FGF12: variants seen among roughly 807,000 people sequenced by gnomAD.
The protein encoded by FGF12 is fibroblast growth factor 12B.
In FGF12, 14 loss-of-function variants were observed where a neutral mutation model predicts 23.6. The ratio of observed to expected loss-of-function variants is 0.59; its 90% CI spans 0.39 to 0.93. The LOEUF (loss-of-function observed/expected upper bound fraction) is 0.93. Among genes scored for constraint, FGF12 ranks in the 40% least tolerant of loss-of-function variants. The probability of loss-of-function intolerance (pLI) is 0.00; values close to 1 mark genes in which losing one functional copy is unlikely to be tolerated. For missense variants in FGF12, 175 were observed against 217.8 expected (o/e 0.80, Z 1.24); for synonymous variants, 62 against 77.3 (o/e 0.80, Z 1.04).
At chr3:192,157,779 C>T (rs1248645679) in intron 5 of FGF12, among the ~76,000 whole-genome samples, 3 of 152,100 alleles carry the variant, frequency 2.0e-5, no homozygotes, top group East Asian at 1.9e-4. Flanking sequence ...TATAATAAAC[C>T]GGGTGCCAAG....
chr3:192,402,177 C>T (rs1331657200), intron 2 of FGF12, among the ~76,000 whole-genome samples: 2 of 152,228 alleles, frequency 1.3e-5, no homozygotes, highest in African/African-American at 4.8e-5. Context: ...GTGTTAACCT[C>T]TTTACTATCC....
chr3:192,570,038 G>GTTC (rs1712521154), intron 2 of FGF12, among the ~76,000 whole-genome samples: 3 of 152,250 alleles, frequency 2.0e-5, no homozygotes, highest in African/African-American at 7.2e-5. Context: ...AGTTCCAAAG[G>GTTC]CAAGTAAGAA....
chr3:192,663,750 T>C (rs900619945), intron 2 of FGF12, among the ~76,000 whole-genome samples: 1 of 151,810 alleles, frequency 6.6e-6, no homozygotes. Context: ...TCCTTCCAGC[T>C]GCAATCAATA....
chr3:192,169,433 G>T (rs1715414769), intron 5 of FGF12, among the ~76,000 whole-genome samples: 1 of 152,204 alleles, frequency 6.6e-6, no homozygotes, highest in Non-Finnish European at 1.5e-5. Flanking sequence ...GGTCCTGAGA[G>T]GGGCTAGGGG....
chr3:192,268,865 G>T, intron 4 of FGF12: 1 of 159,774 alleles, frequency 6.3e-6, no homozygotes, highest in Non-Finnish European at 1.4e-5. Context: ...AACTTTGTAT[G>T]CAAATGTTAC....
In FGF12 at chr3:192,144,106, G is replaced by A. The variant is rs368025154; in HGVS notation, c.449C>T (p.Ser150Leu). The change falls in exon 6 of 6, where the codon TCG becomes TTG. Residue 150 changes from serine to leucine, a missense_variant. Transcript: ENST00000445105. ...TTGTTTTTCTCCAATTTCATGTAGCGATGGTTCTCTGTACATACACACTGA... is the reference window on the plus strand; with the variant it reads ...TTGTTTTTCTCCAATTTCATGTAGCAATGGTTCTCTGTACATACACACTGA... Reference protein sequence around the residue: ...PIEVCMYREPSLHEIGEKQGR... With the variant: ...PIEVCMYREPLLHEIGEKQGR... 20 of 1,612,456 alleles carry A rather than the reference G, an allele frequency of 1.2e-5. No homozygotes were observed. The Admixed American group carries it at 2.3e-4, about 19-fold the overall frequency.
chr3:192,463,721 A>C (rs1722927865), intron 2 of FGF12, among the ~76,000 whole-genome samples: 1 of 152,210 alleles, frequency 6.6e-6, no homozygotes, highest in South Asian at 2.1e-4. Context: ...ACAGGGAATC[A>C]TGTGAAAGGA....
chr3:192,407,043 C>G lies in FGF12; in HGVS notation c.14-46505G>C, dbSNP rs538466353. On this transcript the variant is annotated intron_variant, in intron 2 of 5. Coordinates refer to ENST00000445105, the MANE Select transcript of FGF12 (RefSeq NM_004113.6). Reference sequence around the variant, plus strand: ...CAGAAAACCAACAGTCTGATGGAAGCACAGATCTCTCCGCAATTCTGCTTC... The same window carrying G: ...CAGAAAACCAACAGTCTGATGGAAGGACAGATCTCTCCGCAATTCTGCTTC... 8.5e-4 allele frequency among the ~76,000 whole-genome samples: 129 copies of G among 152,206 alleles called. 1 individual carries two copies. The highest frequency in any genetic ancestry group is 1.6e-3 in the Non-Finnish European group (108 of 68,042).
intron 4 of FGF12, among the ~76,000 whole-genome samples, chr3:192,230,003 G>T (rs1023805412): frequency 6.6e-5 from 10 of 152,024 alleles, no homozygotes; most frequent in Non-Finnish European, 1.2e-4. Context: ...TGCATATGAC[G>T]GAGCTTATTA....
rs202027374 is a variant in FGF12 at position 192,264,386 on chromosome 3, A to AT, written c.228+70974dup. ...TATTGATGAACAAAAATAAGAGATGATTTTTTTTCACATTTAATGTGGAAT... is the reference window on the plus strand; with the variant it reads ...TATTGATGAACAAAAATAAGAGATGATTTTTTTTTCACATTTAATGTGGAAT... On this transcript the variant is annotated intron_variant, in intron 4 of 5. Transcript: ENST00000445105. Among the ~76,000 whole-genome samples the AT allele has an allele frequency of 5.5e-3, 839 of 152,000 alleles. 7 individuals carry two copies. Among genetic ancestry groups the AT allele is most frequent in the African/African-American group, 0.02 (816 of 41,490 alleles).
intron 5 of FGF12, among the ~76,000 whole-genome samples, chr3:192,161,600 T>G (rs1714887466): frequency 6.6e-6 from 1 of 152,058 alleles, no homozygotes; most frequent in Non-Finnish European, 1.5e-5. Flanking sequence ...ATTCTAGTTT[T>G]GCTTCTTTCT....
chr3:192,197,749 A>C (rs1717145594), intron 4 of FGF12, among the ~76,000 whole-genome samples: 1 of 152,132 alleles, frequency 6.6e-6, no homozygotes, highest in Admixed American at 6.5e-5. Context: ...GTTTGAGACC[A>C]GCCTGACCAA....
intron 2 of FGF12, among the ~76,000 whole-genome samples, chr3:192,577,242 G>A (rs1471149693): frequency 6.6e-6 from 1 of 152,138 alleles, no homozygotes; most frequent in East Asian, 1.9e-4. Context: ...TGGTAGCCAT[G>A]CTCTTTCTGG....
At chr3:192,632,805 C>T (rs1715438030) in intron 2 of FGF12, among the ~76,000 whole-genome samples, 1 of 152,066 alleles carries the variant, frequency 6.6e-6, no homozygotes, top group South Asian at 2.1e-4. Context: ...CTTAAAACAA[C>T]AGAAATGCAT....
chr3:192,680,367 A>G (rs919937611), intron 2 of FGF12, among the ~76,000 whole-genome samples: 8 of 152,226 alleles, frequency 5.3e-5, no homozygotes, highest in African/African-American at 1.2e-4. Context: ...ACAAGGGGAA[A>G]GAGGTCCAAG....
chr3:192,425,123 C>T (rs1032522311), intron 2 of FGF12, among the ~76,000 whole-genome samples: 4 of 152,144 alleles, frequency 2.6e-5, no homozygotes, highest in African/African-American at 9.7e-5. Context: ...CTTTTACATC[C>T]ATCCCTCAGT....
chr3:192,255,558 T>C (rs1428051112), intron 4 of FGF12, among the ~76,000 whole-genome samples: 4 of 152,110 alleles, frequency 2.6e-5, no homozygotes, highest in Admixed American at 6.6e-5. Context: ...ACGTTTGGTA[T>C]AATAAAATAA....
chr3:192,401,310 C>T (rs1006540122), intron 2 of FGF12, among the ~76,000 whole-genome samples: 30 of 152,102 alleles, frequency 2.0e-4, no homozygotes, highest in African/African-American at 6.3e-4. Context: ...CACAAAGAAA[C>T]GTGGTTGAAA....
At chr3:192,607,076 C>T (rs1178840010) in intron 2 of FGF12, among the ~76,000 whole-genome samples, 1 of 152,108 alleles carries the variant, frequency 6.6e-6, no homozygotes, top group Non-Finnish European at 1.5e-5. Context: ...ACCATTTATG[C>T]TCTGACTGAT....
Sources: allele counts gnomAD v4.1 joint callset (sites outside exome capture counted in the v4.1 genomes callset), GRCh38; gene constraint gnomAD v4.1.1; transcripts MANE v1.5; gene names NCBI Gene and HGNC (gene_info 2026-07-23, HGNC 2026-07-21).